The following PHRF1 variants were observed in gnomAD, a reference collection of about 807,000 sequenced individuals.
PHRF1 encodes PHD and ring finger domains 1, also known as PHD and RING finger domain-containing protein 1.
PHRF1 carries 53 observed loss-of-function variants against 128.9 expected under a neutral mutation model. The ratio of observed to expected loss-of-function variants is 0.41; its 90% CI spans 0.33 to 0.52. The LOEUF is 0.52. Ranked by LOEUF, PHRF1 falls within the 20% of genes least tolerant of loss-of-function variation. PHRF1 has a pLI of 0.21. For missense variants in PHRF1, 2,503 were observed against 2,284.5 expected (o/e 1.10, Z -1.95); for synonymous variants, 1,178 against 980.6 (o/e 1.20, Z -3.76).
Position 581,950 on chromosome 11 carries a change from C to T in PHRF1, c.95-12C>T, listed in dbSNP as rs892786874. On this transcript the variant is annotated splice_polypyrimidine_tract_variant and intron_variant, in intron 2 of 17. Coordinates refer to ENST00000264555, the MANE Select transcript of PHRF1 (RefSeq NM_001286581.2). Reference sequence around the variant, plus strand: ...CGCCGCCCTGCGGCCTGTGTCTCACCCTGGTGTCTAGAAGAAAGCAGCGTG... The same window carrying T: ...CGCCGCCCTGCGGCCTGTGTCTCACTCTGGTGTCTAGAAGAAAGCAGCGTG... 1.9e-6 allele frequency: 3 copies of T among 1,583,558 alleles called. No individual in the cohort carries two copies. The highest frequency in any genetic ancestry group is 1.3e-5 in the African/African-American group (1 of 74,184).
intron 14 of PHRF1, 118 bp downstream of exon 14, chr11:609,838 C>T (rs896344696): frequency 4.3e-6 from 3 of 693,328 alleles, no homozygotes; most frequent in African/African-American, 3.6e-5. Flanking sequence ...GACAGAGCCC[C>T]CCGTGAGTAG....
At chr11:603,816 C>G (rs12363914) in intron 10 of PHRF1, among the ~76,000 whole-genome samples, 1 of 142,210 alleles carries the variant, frequency 7.0e-6, no homozygotes. Flanking sequence ...CTCACTGCAA[C>G]CTCGGCCTCC....
intron 2 of PHRF1, 125 bp downstream of exon 2, chr11:581,731 T>A: frequency 9.3e-7 from 1 of 1,075,158 alleles, no homozygotes; most frequent in Non-Finnish European, 1.3e-6. Flanking sequence ...GCTTTGATTT[T>A]AAATTGCGGA....
chr11:609,628 C>A lies in PHRF1; in HGVS notation c.4172C>A (p.Thr1391Asn), dbSNP rs777455240. The change falls in exon 14 of 18, where the codon ACC becomes AAC. Residue 1391 changes from threonine to asparagine, a missense_variant. Thr to Asn is a moderately conservative substitution (Grantham distance 65, BLOSUM62 0). Coordinates refer to ENST00000264555, the MANE Select transcript of PHRF1 (RefSeq NM_001286581.2). ...CGGCCTGAGGAGGTGGTTTCGCAGACCCCCCTGCTGCGGTCCAGAGCCCTG... is the reference window on the plus strand; with the variant it reads ...CGGCCTGAGGAGGTGGTTTCGCAGAACCCCCTGCTGCGGTCCAGAGCCCTG... The part of the protein sequence containing the change: ...AARPEEVVSQ[T>N]PLLRSRALVK... 6.3e-7 allele frequency: 1 copy of A among 1,580,796 alleles called. No individual in the cohort carries two copies. The highest frequency in any genetic ancestry group is 2.3e-5 in the East Asian group (1 of 43,186).
chr11:606,414 C>T (rs538523165), intron 12 of PHRF1, 28 bp from the exon 13 acceptor site: 83 of 1,524,862 alleles, frequency 5.4e-5, no homozygotes, highest in Non-Finnish European at 6.2e-5. Context: ...GAGGCAGTGA[C>T]GGCAGGGCCT....
Position 606,553 on chromosome 11 carries a change from T to G in PHRF1, c.1566T>G (p.Asp522Glu). 4 of 1,610,026 alleles carry G rather than the reference T, an allele frequency of 2.5e-6. No individual in the cohort carries two copies. Among genetic ancestry groups the G allele is most frequent in the South Asian group, 2.2e-5 (2 of 91,050 alleles). Residue 522 changes from aspartate (D) to glutamate (E), a missense_variant, in exon 13 of 18, where the codon GAT becomes GAG. By Grantham distance (45) the Asp-to-Glu change is conservative. Coordinates refer to ENST00000264555, the MANE Select transcript of PHRF1 (RefSeq NM_001286581.2). The part of the protein sequence containing the change: ...GQSLLMLGSS[D>E]VIIHRDGSLS... ...GCCTCCTGATGCTGGGCAGCAGTGA[T>G]GTCATCATCCACCGCGACGGCTCCC... is the stretch of plus-strand genomic sequence containing the variant.
intron 1 of PHRF1, among the ~76,000 whole-genome samples, chr11:578,854 T>G (rs540442804): frequency 6.6e-6 from 1 of 152,004 alleles, no homozygotes; most frequent in South Asian, 2.1e-4. Context: ...CCCGGCTGAT[T>G]CACATTTTTT....
In PHRF1 at chr11:581,996, G is replaced by A. The variant is rs202054727; in HGVS notation, c.129G>A (p.Gly43=). The change falls in exon 3 of 18, where the codon GGG becomes GGA. Residue 43 remains glycine (G), a synonymous_variant. Transcript: ENST00000264555. Reference sequence around the variant, plus strand: ...GCGTGGGCAGCAGTGGGGACTCTGGGGACGACAGTGACAGCGAGCATGGAG... The same window carrying A: ...GCGTGGGCAGCAGTGGGGACTCTGGAGACGACAGTGACAGCGAGCATGGAG... ...ESSVGSSGDS[G]DDSDSEHGDG... 3.7e-5 allele frequency: 59 copies of A among 1,607,244 alleles called. No individual in the cohort carries two copies. The highest frequency in any genetic ancestry group is 1.6e-4 in the Middle Eastern group (1 of 6,076).
chr11:584,194 C>T (rs1854387614), intron 3 of PHRF1, among the ~76,000 whole-genome samples: 1 of 152,206 alleles, frequency 6.6e-6, no homozygotes, highest in Admixed American at 6.5e-5. Flanking sequence ...GGCTTCCCTG[C>T]TCCCTCCCAG....
chr11:586,200 G>T (rs937874455), intron 3 of PHRF1, among the ~76,000 whole-genome samples: 5 of 151,758 alleles, frequency 3.3e-5, no homozygotes, highest in Admixed American at 6.6e-5. Flanking sequence ...TTCACTGTTA[G>T]CCAGGATGGT....
intron 6 of PHRF1, among the ~76,000 whole-genome samples, chr11:595,326 A>G (rs1479357147): frequency 2.0e-5 from 3 of 152,216 alleles, no homozygotes; most frequent in African/African-American, 4.8e-5. Flanking sequence ...AAAAAACACT[A>G]TCTGTAGATA....
At chr11:579,143 A>G (rs1269352478) in intron 1 of PHRF1, among the ~76,000 whole-genome samples, 1 of 152,140 alleles carries the variant, frequency 6.6e-6, no homozygotes, top group Non-Finnish European at 1.5e-5. Context: ...CCTGGCTACC[A>G]ATTCACATTT....
At position 597,826 on chromosome 11, in the gene PHRF1, C is replaced by CT. The variant is rs1401386663; in HGVS notation, c.894+257dup. 6.6e-6 allele frequency among the ~76,000 whole-genome samples: 1 copy of CT among 152,132 alleles called. No individual in the cohort carries two copies. Among genetic ancestry groups the CT allele is most frequent in the African/African-American group, 2.4e-5 (1 of 41,424 alleles). On this transcript the variant is annotated intron_variant, in intron 8 of 17. Transcript: ENST00000264555. This position sits in a 1 kb window ranked among gnomAD's most constrained non-coding sequence, Gnocchi z 6.5. ...AAGCCTGGCCCTGGCGGGGTGGGGG[C>CT]TCTAGGAAACCCCCCTTGTTCCCCA...
Position 605,593 on chromosome 11 carries a change from C to T in PHRF1, c.1335-12C>T. On this transcript the variant is annotated splice_polypyrimidine_tract_variant and intron_variant, in intron 11 of 17. Transcript: ENST00000264555. Reference sequence around the variant, plus strand: ...GTCACTTGTTCCCTTTGGCCTGTGTCCTCCCCTCTAGCAGTGAAGAGCTTT... The same window carrying T: ...GTCACTTGTTCCCTTTGGCCTGTGTTCTCCCCTCTAGCAGTGAAGAGCTTT... 2 of 1,612,478 alleles carry T rather than the reference C, an allele frequency of 1.2e-6. No individual in the cohort carries two copies. The highest frequency in any genetic ancestry group is 8.5e-7 in the Non-Finnish European group (1 of 1,179,224).
rs1008397031 is a variant in PHRF1, at chr11:605,958, C to T, written c.1454+234C>T. Among the ~76,000 whole-genome samples the T allele has an allele frequency of 6.6e-4, 100 of 152,164 alleles. 1 individual carries two copies. The highest frequency in any genetic ancestry group is 3.7e-4 in the Non-Finnish European group (25 of 68,034). On this transcript the variant is annotated intron_variant, in intron 12 of 17. Transcript: ENST00000264555. Reference sequence around the variant, plus strand: ...TGGACTGGGAGTTGCTGCAGCTCCACGAGGTGGCCCCTCTGCCCCCCACCC... The same window carrying T: ...TGGACTGGGAGTTGCTGCAGCTCCATGAGGTGGCCCCTCTGCCCCCCACCC...
chr11:607,790 G>T lies in PHRF1; in HGVS notation c.2334G>T (p.Arg778=). 1 of 1,612,708 alleles carries T rather than the reference G, an allele frequency of 6.2e-7. No individual in the cohort carries two copies. Among genetic ancestry groups the T allele is most frequent in the Non-Finnish European group, 8.5e-7 (1 of 1,179,864 alleles). Reference sequence around the variant, plus strand: ...TCGGGTCGACCTTTGAGAGCTTCCGGATCAATATTCCTGGAAACATGGCAC... The same window carrying T: ...TCGGGTCGACCTTTGAGAGCTTCCGTATCAATATTCCTGGAAACATGGCAC... The part of the protein sequence containing the change: ...KGVGSTFESF[R]INIPGNMAHS... Residue 778 remains arginine (R), a synonymous_variant, in exon 14 of 18, where the codon CGG becomes CGT. Transcript: ENST00000264555.
chr11:608,860 A>G lies in PHRF1; in HGVS notation c.3404A>G (p.His1135Arg), dbSNP rs1191352371. Residue 1135 changes from histidine (H) to arginine (R), a missense_variant, in exon 14 of 18, where the codon CAC (histidine) becomes CGC (arginine). By Grantham distance (29) the His-to-Arg change is conservative. Coordinates refer to ENST00000264555, the MANE Select transcript of PHRF1 (RefSeq NM_001286581.2). The part of the protein sequence containing the change: ...PTSSLERLCR[H>R]KHQRERSHER... ...AGCAGCCTGGAGAGGCTCTGCAGGC[A>G]CAAGCATCAGCGGGAACGCAGCCAC... is the stretch of plus-strand genomic sequence containing the variant. 1.8e-5 allele frequency: 29 copies of G among 1,612,260 alleles called. No homozygotes were observed. Among genetic ancestry groups the G allele is most frequent in the Middle Eastern group, 1.6e-4 (1 of 6,084 alleles).
rs574490063 is a variant in PHRF1, at chr11:597,658, G to A, written c.894+88G>A. On this transcript the variant is annotated intron_variant, in intron 8 of 17. Coordinates refer to ENST00000264555, the MANE Select transcript of PHRF1 (RefSeq NM_001286581.2). This position sits in a 1 kb window ranked among gnomAD's most constrained non-coding sequence, Gnocchi z 6.5. ...CTGGGTGGGTGGGAGGGGCGTCGTC[G>A]GCACTGTGGGGTCCGCCCGGCCCCG... 456 of 1,460,342 alleles carry A rather than the reference G, an allele frequency of 3.1e-4. No homozygotes were observed. Among genetic ancestry groups the A allele is most frequent in the Middle Eastern group, 1.7e-3 (7 of 4,102 alleles). 90.5% of individuals were successfully genotyped at this position (1,460,342 alleles called of 1,614,324 possible). A position where few individuals can be genotyped will look rare whatever the true frequency, so the allele number is the denominator to read the frequency against.
rs760855799 is a variant in PHRF1 at position 609,169 on chromosome 11, C to T, written c.3713C>T (p.Ala1238Val). ...CCGGAGGTGGCTACGGCCGACAAGG[C>T]CCCCCTGCAGGCTCCCCCTGTCCTG... ...VSPEVATADK[A>V]PLQAPPVLEV... is the part of the protein sequence containing the mutation. The change falls in exon 14 of 18, where the codon GCC becomes GTC. Residue 1238 changes from alanine to valine, a missense_variant. Physicochemically the swap from Ala to Val is moderately conservative, Grantham distance 64. Coordinates refer to ENST00000264555, the MANE Select transcript of PHRF1 (RefSeq NM_001286581.2). The T allele has an allele frequency of 5.0e-6, 8 of 1,605,990 alleles. No individual in the cohort carries two copies. Among genetic ancestry groups the T allele is most frequent in the South Asian group, 2.2e-5 (2 of 91,068 alleles).
Sources: gnomAD v4.1 joint callset for allele counts (sites outside exome capture counted in the v4.1 genomes callset) on GRCh38, gnomAD v4.1.1 for gene constraint, Gnocchi (gnomAD v3.1) non-coding constraint, MANE v1.5 for transcripts, NCBI Gene and HGNC (gene_info 2026-07-23, HGNC 2026-07-21) for gene names.